SCAPER: variants seen among roughly 807,000 people sequenced by gnomAD.
The protein encoded by SCAPER is S-phase cyclin A associated protein in the ER, also known as S phase cyclin A-associated protein in the endoplasmic reticulum.
In SCAPER, 98 loss-of-function variants were observed where a neutral mutation model predicts 182.2. The observed-to-expected ratio is 0.54, with a 90% CI of 0.46 to 0.64. The LOEUF (loss-of-function observed/expected upper bound fraction) is 0.64. SCAPER is among the 30% of genes least tolerant of loss of function. The pLI is 0.00. For synonymous variants in SCAPER, 605 were observed against 564.6 expected, an observed-to-expected ratio of 1.07 and a Z score of -1.01; for missense variants, 1,432 against 1,690.0, an observed-to-expected ratio of 0.85 and a Z score of 2.68.
At chr15:76,561,288 A>G (rs905616980) in intron 23 of SCAPER, among the ~76,000 whole-genome samples, 4 of 152,212 alleles carry the variant, frequency 2.6e-5, no homozygotes, top group African/African-American at 9.7e-5. Flanking sequence ...ATTAAGATTA[A>G]ATAATTAATG....
At chr15:76,673,990 C>CACACACACACA (rs2057210089) in intron 20 of SCAPER, among the ~76,000 whole-genome samples, 1 of 142,644 alleles carries the variant, frequency 7.0e-6, no homozygotes, top group African/African-American at 2.5e-5. Context: ...CACACACACA[C>CACACACACACA]CCCAATCAGA....
intron 24 of SCAPER, among the ~76,000 whole-genome samples, chr15:76,473,320 A>G (rs919167445): frequency 6.6e-6 from 1 of 152,192 alleles, no homozygotes. Flanking sequence ...TGCCTGAAAT[A>G]CCCTGATTGT....
intron 8 of SCAPER, chr15:76,793,199 G>C (rs893092871): frequency 8.7e-7 from 1 of 1,148,184 alleles, no homozygotes; most frequent in African/African-American, 1.6e-5. Context: ...CAGTTCTATA[G>C]CTACTGTTAT....
At position 76,802,083 on chromosome 15, in the gene SCAPER, T is replaced by G. The variant is rs147401834; in HGVS notation, c.495-1719A>C. On this transcript the variant is annotated intron_variant, in intron 6 of 31. Transcript: ENST00000563290. ...TGCAAGCACAAAAAAAAAAATTTTT[T>G]TTTAATGCATTGGTGATTACATTAC... Among the ~76,000 whole-genome samples the G allele has an allele frequency of 5.0e-3, 766 of 152,208 alleles. 6 individuals carry two copies. The highest frequency in any genetic ancestry group is 0.018 in the African/African-American group (728 of 41,516).
chr15:76,888,659 C>A (rs1391888670), intron 1 of SCAPER, among the ~76,000 whole-genome samples: 2 of 152,172 alleles, frequency 1.3e-5, no homozygotes, highest in Non-Finnish European at 2.9e-5. Context: ...ACAAAGCCTT[C>A]AAGAAATATG....
chr15:76,900,342 TA>T (rs56677318), intron 1 of SCAPER, among the ~76,000 whole-genome samples: 1,048 of 59,078 alleles, frequency 0.018, 16 homozygotes, highest in African/African-American at 0.052. Context: ...CAATAAATAC[TA>T]AAAAAAAAAA....
chr15:76,860,279 T>G lies in SCAPER; in HGVS notation c.124+2137A>C, dbSNP rs186563101. 8.3e-4 allele frequency among the ~76,000 whole-genome samples: 126 copies of G among 152,306 alleles called. 1 individual carries two copies. The highest frequency in any genetic ancestry group is 2.8e-3 in the African/African-American group (118 of 41,596). On this transcript the variant is annotated intron_variant, in intron 3 of 31. Transcript: ENST00000563290. ...TACAGAATTTTTTTTACTTTTGTAATAAATCATGTTGATATGTACTTTTAT... is the reference window on the plus strand; with the variant it reads ...TACAGAATTTTTTTTACTTTTGTAAGAAATCATGTTGATATGTACTTTTAT...
intron 20 of SCAPER, among the ~76,000 whole-genome samples, chr15:76,667,771 G>A (rs2056722084): frequency 6.6e-6 from 1 of 151,530 alleles, no homozygotes; most frequent in Non-Finnish European, 1.5e-5. Context: ...TGGCCAACAT[G>A]GTAGAATCCC....
intron 23 of SCAPER, among the ~76,000 whole-genome samples, chr15:76,550,181 T>C (rs2045639709): frequency 6.6e-6 from 1 of 152,180 alleles, no homozygotes. Context: ...AACAGACATT[T>C]CTTCTTTTTT....
chr15:76,877,303 A>G (rs1365234142), intron 2 of SCAPER, among the ~76,000 whole-genome samples: 1 of 152,154 alleles, frequency 6.6e-6, no homozygotes, highest in East Asian at 1.9e-4. Flanking sequence ...ATTATGTTAG[A>G]TTACATTAAA....
intron 4 of SCAPER, among the ~76,000 whole-genome samples, chr15:76,849,374 C>A (rs922860155): frequency 6.6e-6 from 1 of 152,212 alleles, no homozygotes; most frequent in African/African-American, 2.4e-5. Context: ...TGCAATCAAC[C>A]CAAGGAGAGA....
chr15:76,401,261 T>C (rs1479829201), intron 27 of SCAPER, among the ~76,000 whole-genome samples: 1 of 152,152 alleles, frequency 6.6e-6, no homozygotes, highest in Non-Finnish European at 1.5e-5. Context: ...CTATCTACCA[T>C]TCAAAATTTT....
intron 8 of SCAPER, among the ~76,000 whole-genome samples, chr15:76,784,732 C>A (rs2064450388): frequency 6.6e-6 from 1 of 152,162 alleles, no homozygotes; most frequent in Non-Finnish European, 1.5e-5. Flanking sequence ...AATAACACCA[C>A]ACATCTACAA....
At chr15:76,757,802 C>A (rs1266609944) in intron 14 of SCAPER, among the ~76,000 whole-genome samples, 1 of 152,172 alleles carries the variant, frequency 6.6e-6, no homozygotes, top group Non-Finnish European at 1.5e-5. Flanking sequence ...GCCATCCTAA[C>A]AAGTGTCAGG....
chr15:76,444,386 G>A (rs2047846746), intron 25 of SCAPER, among the ~76,000 whole-genome samples: 1 of 152,070 alleles, frequency 6.6e-6, no homozygotes, highest in South Asian at 2.1e-4. Context: ...TGGAACTTAA[G>A]TTAAAAAAAT....
intron 21 of SCAPER, among the ~76,000 whole-genome samples, chr15:76,664,056 C>A (rs950185924): frequency 8.6e-5 from 13 of 151,996 alleles, no homozygotes; most frequent in African/African-American, 3.1e-4. Context: ...GATCAAAGAC[C>A]TGAAGGAAGC....
intron 4 of SCAPER, among the ~76,000 whole-genome samples, chr15:76,850,406 T>C (rs1161143235): frequency 1.3e-5 from 2 of 152,074 alleles, no homozygotes. Context: ...CCACTGTTAG[T>C]GACACAGAGT....
At chr15:76,824,768 A>G (rs2067857282) in intron 5 of SCAPER, among the ~76,000 whole-genome samples, 2 of 152,192 alleles carry the variant, frequency 1.3e-5, no homozygotes, top group South Asian at 2.1e-4. Context: ...TCTATTTGCA[A>G]AAAGAATACT....
chr15:76,501,062 T>C (rs2041069482), intron 24 of SCAPER, among the ~76,000 whole-genome samples: 1 of 151,496 alleles, frequency 6.6e-6, no homozygotes, highest in Admixed American at 6.6e-5. Context: ...AAAAAGTTTG[T>C]AGGCAGAATA....
Sources: allele counts gnomAD v4.1 joint callset (sites outside exome capture counted in the v4.1 genomes callset), GRCh38; gene constraint gnomAD v4.1.1; transcripts MANE v1.5; gene names NCBI Gene and HGNC (gene_info 2026-07-23, HGNC 2026-07-21).